RALGAPA2: variants seen among roughly 807,000 people sequenced by gnomAD.
The protein encoded by RALGAPA2 is ral GTPase-activating protein subunit alpha-2.
Under a neutral mutation model 230.4 loss-of-function variants are expected in RALGAPA2, and 139 were observed. That is an observed-to-expected ratio of 0.60 (90% CI 0.53 to 0.69). RALGAPA2 has a LOEUF of 0.69. RALGAPA2 is among the 30% of genes least tolerant of loss of function. RALGAPA2 has a pLI of 0.00. For missense variants in RALGAPA2, 2,163 were observed against 2,276.0 expected (o/e 0.95, Z 1.01); for synonymous variants, 847 against 837.8 (o/e 1.01, Z -0.19).
chr20:20,550,522 C>T (rs1234722569), intron 23 of RALGAPA2, among the ~76,000 whole-genome samples: 1 of 152,168 alleles, frequency 6.6e-6, no homozygotes, highest in Non-Finnish European at 1.5e-5. Flanking sequence ...CAAGGACCTG[C>T]AGAGAGGAGG....
Position 20,674,811 on chromosome 20 carries a change from G to C in RALGAPA2, c.270+1425C>G, listed in dbSNP as rs542177680. On this transcript the variant is annotated intron_variant, in intron 3 of 39. Coordinates refer to ENST00000202677, the MANE Select transcript of RALGAPA2 (RefSeq NM_020343.4). ...AAAACCACACAAGAAATTATTTAAG[G>C]GTACAAATATGTGTGGCAAAGCCAT... is the stretch of plus-strand genomic sequence containing the variant. Among the ~76,000 whole-genome samples the C allele has an allele frequency of 2.0e-5, 3 of 152,152 alleles. No individual in the cohort carries two copies. In the East Asian group the frequency reaches 5.8e-4, roughly 29 times the overall value.
rs900998278 is a variant in RALGAPA2 at position 20,527,599 on chromosome 20, C to A, written c.3583-1237G>T. On this transcript the variant is annotated intron_variant, in intron 27 of 39. Transcript: ENST00000202677. ...TCCCTGAGGCCACCACACCGCCCTC[C>A]CCCCACACCCCCAAGAGCTGGGTGG... is the stretch of plus-strand genomic sequence containing the variant. 9.9e-5 allele frequency among the ~76,000 whole-genome samples: 15 copies of A among 151,890 alleles called. 1 individual carries two copies. Among genetic ancestry groups the A allele is most frequent in the African/African-American group, 3.6e-4 (15 of 41,314 alleles).
rs1721508171 is a variant in RALGAPA2 at position 20,712,214 on chromosome 20, CA to C, written c.106+160del. On this transcript the variant is annotated intron_variant, in intron 1 of 39. Transcript: ENST00000202677. The surrounding 1 kb of genome is among the most constrained non-coding windows in gnomAD (Gnocchi z 5.5). ...GGGCCAGGCTGCGGCTTTCTGGAAA[CA>C]AAGCCCCGGGGGTCCAAGCCCAGAT... is the stretch of plus-strand genomic sequence containing the variant. Among the ~76,000 whole-genome samples, 1 of 152,126 alleles carries C rather than the reference CA, an allele frequency of 6.6e-6. No individual in the cohort carries two copies. The highest frequency in any genetic ancestry group is 2.4e-5 in the African/African-American group (1 of 41,422).
chr20:20,645,661 A>AGTT (rs2067188267), intron 4 of RALGAPA2, among the ~76,000 whole-genome samples: 1 of 152,208 alleles, frequency 6.6e-6, no homozygotes, highest in East Asian at 1.9e-4. Context: ...TCGTTTGTAC[A>AGTT]TGGGAAGCAG....
intron 37 of RALGAPA2, among the ~76,000 whole-genome samples, chr20:20,413,310 A>G (rs1001023325): frequency 1.3e-5 from 2 of 152,200 alleles, no homozygotes; most frequent in Non-Finnish European, 2.9e-5. Flanking sequence ...AGCCTTCAAG[A>G]CAGCACGTGT....
At chr20:20,561,168 A>G (rs923759937) in intron 23 of RALGAPA2, among the ~76,000 whole-genome samples, 3 of 152,246 alleles carry the variant, frequency 2.0e-5, no homozygotes, top group African/African-American at 7.2e-5. Flanking sequence ...CACCTGCCAT[A>G]TTTGAACAGA....
intron 37 of RALGAPA2, among the ~76,000 whole-genome samples, chr20:20,457,859 C>T (rs184265100): frequency 3.9e-5 from 6 of 152,134 alleles, no homozygotes; most frequent in African/African-American, 9.7e-5. Context: ...GCGGGGCTCT[C>T]GCATAGGGAG....
At chr20:20,419,767 C>T (rs1021062754) in intron 37 of RALGAPA2, among the ~76,000 whole-genome samples, 55 of 152,320 alleles carry the variant, frequency 3.6e-4, no homozygotes, top group African/African-American at 1.2e-3. Context: ...TTATCCTAGT[C>T]TGCTCAGAGA....
rs1415599634 is a variant in RALGAPA2 at position 20,390,697 on chromosome 20, A to AAAAT, written c.*2588_*2591dup. On this transcript the variant is annotated 3_prime_UTR_variant, in exon 40 of 40. Coordinates refer to ENST00000202677, the MANE Select transcript of RALGAPA2 (RefSeq NM_020343.4). ...AATATTTGCTTTTCTAAGTAAAAAAAAAATAAAAAAGAAACTTGATCATTG... is the reference window on the plus strand; with the variant it reads ...AATATTTGCTTTTCTAAGTAAAAAAAAAATAAATAAAAAAGAAACTTGATCATTG... The AAAAT allele has an allele frequency of 1.3e-5, 2 of 152,218 alleles. No individual in the cohort carries two copies. The highest frequency in any genetic ancestry group is 2.4e-5 in the African/African-American group (1 of 41,446). The allele number at this position is 152,218 out of a possible 1,614,324, so 9.4% of individuals were successfully genotyped here.
At position 20,511,253 on chromosome 20, in the gene RALGAPA2, C is replaced by T. The variant is rs1306140892; in HGVS notation, c.4928+1G>A. On this transcript the variant is annotated splice_donor_variant, in intron 33 of 39. Transcript: ENST00000202677. LOFTEE classifies it high-confidence loss of function. ...AAGTGGTTTGATATACTTTCACATA[C>T]CACTGGCGGGAGTCCAAATTTTTCA... The T allele has an allele frequency of 1.9e-6, 3 of 1,575,538 alleles. No homozygotes were observed. Among genetic ancestry groups the T allele is most frequent in the Non-Finnish European group, 2.6e-6 (3 of 1,159,716 alleles).
At chr20:20,414,778 C>T (rs2060133757) in intron 37 of RALGAPA2, among the ~76,000 whole-genome samples, 1 of 152,188 alleles carries the variant, frequency 6.6e-6, no homozygotes, top group Admixed American at 6.5e-5. Flanking sequence ...CAAGTGTTTC[C>T]TTCATAGAAG....
At chr20:20,577,002 TTC>T (rs939096158) in intron 20 of RALGAPA2, among the ~76,000 whole-genome samples, 4 of 152,190 alleles carry the variant, frequency 2.6e-5, no homozygotes, top group Non-Finnish European at 5.9e-5. Flanking sequence ...ATGTATGTTA[TTC>T]TGTTATTCTT....
intron 10 of RALGAPA2, among the ~76,000 whole-genome samples, chr20:20,620,878 C>T (rs1727817207): frequency 6.6e-6 from 1 of 152,202 alleles, no homozygotes; most frequent in African/African-American, 2.4e-5. Context: ...CGCAGTGGCT[C>T]ACGCCTGTAA....
chr20:20,438,264 C>G (rs1294105256), intron 37 of RALGAPA2, among the ~76,000 whole-genome samples: 2 of 152,170 alleles, frequency 1.3e-5, no homozygotes, highest in Non-Finnish European at 2.9e-5. Context: ...CTGCTCATTA[C>G]TGCTTCAAAA....
At chr20:20,531,924 A>C in intron 26 of RALGAPA2, 129 bp from the exon 27 acceptor site, 2 of 776,470 alleles carry the variant, frequency 2.6e-6, no homozygotes, top group East Asian at 2.7e-5. Context: ...TATTAGCAGA[A>C]TGTTTTCTTG....
At chr20:20,646,203 C>T (rs940964351) in intron 4 of RALGAPA2, among the ~76,000 whole-genome samples, 3 of 151,998 alleles carry the variant, frequency 2.0e-5, no homozygotes, top group South Asian at 2.1e-4. Context: ...TACAGGCATG[C>T]GCCACCATGC....
At chr20:20,393,295 G>A in intron 39 of RALGAPA2, 42 bp from the exon 40 acceptor site, 1 of 1,251,980 alleles carries the variant, frequency 8.0e-7, no homozygotes, top group Non-Finnish European at 1.0e-6. Context: ...GGAGGCAACG[G>A]CGGCTCTACG....
chr20:20,572,509 A>G (rs1196968015), intron 21 of RALGAPA2, among the ~76,000 whole-genome samples: 1 of 151,728 alleles, frequency 6.6e-6, no homozygotes, highest in Non-Finnish European at 1.5e-5. Flanking sequence ...AAAGAAGACT[A>G]TATATTAATA....
Position 20,437,103 on chromosome 20 carries a change from T to C in RALGAPA2, c.5496-24955A>G, listed in dbSNP as rs2060632676. Reference sequence around the variant, plus strand: ...CACAAACCATCTGTTCACATGGGAATACATAATATGTATAATTTCATAAAT... The same window carrying C: ...CACAAACCATCTGTTCACATGGGAACACATAATATGTATAATTTCATAAAT... On this transcript the variant is annotated intron_variant, in intron 37 of 39. Transcript: ENST00000202677. The surrounding 1 kb of genome is among the most constrained non-coding windows in gnomAD (Gnocchi z 4.1). Among the ~76,000 whole-genome samples, 1 of 152,218 alleles carries C rather than the reference T, an allele frequency of 6.6e-6. No individual in the cohort carries two copies. Among genetic ancestry groups the C allele is most frequent in the African/African-American group, 2.4e-5 (1 of 41,460 alleles).
Sources: allele counts gnomAD v4.1 joint callset (sites outside exome capture counted in the v4.1 genomes callset), GRCh38; gene constraint gnomAD v4.1.1; non-coding constraint Gnocchi (gnomAD v3.1); transcripts MANE v1.5; gene names NCBI Gene and HGNC (gene_info 2026-07-23, HGNC 2026-07-21).